Variants in ALDOB observed in about 807,000 individuals in gnomAD.
ALDOB encodes fructose-bisphosphate aldolase B.
A neutral mutation model predicts 41.0 loss-of-function variants in ALDOB; 39 were observed. The ratio of observed to expected loss-of-function variants is 0.95; its 90% CI spans 0.74 to 1.24. The LOEUF is 1.24. Among genes scored for constraint, ALDOB ranks in the 50% most tolerant of loss-of-function variants. The probability of loss-of-function intolerance (pLI) is 0.00; values close to 1 mark genes in which losing one functional copy is unlikely to be tolerated. For missense variants in ALDOB, 530 were observed against 457.3 expected, an observed-to-expected ratio of 1.16 and a Z score of -1.45; for synonymous variants, 175 against 168.8, an observed-to-expected ratio of 1.04 and a Z score of -0.28.
intron 1 of ALDOB, 144 bp downstream of exon 1, chr9:101,435,565 G>C (rs1831279248): frequency 1.3e-5 from 2 of 152,290 alleles, no homozygotes; most frequent in East Asian, 3.9e-4. Context: ...TTCCCTCCAA[G>C]CAGAGCCATC....
chr9:101,425,610 G>T lies in ALDOB; in HGVS notation c.642C>A (p.Tyr214Ter). The T allele has an allele frequency of 6.2e-7, 1 of 1,614,136 alleles. No individual in the cohort carries two copies. Among genetic ancestry groups the T allele is most frequent in the Non-Finnish European group, 8.5e-7 (1 of 1,180,036 alleles). ...AAACATGATGGTCATTCAGGGCCTT[G>T]TAGACAGCAGCCAGGACCTGAAGGA... ...YVTEKVLAAV[Y>*]KALNDHHVYL... The change falls in exon 7 of 9, where the codon TAC becomes TAA. Residue 214 changes from tyrosine to a stop codon, truncating the protein, a stop_gained. Transcript: ENST00000647789. LOFTEE classifies it high-confidence loss of function.
intron 3 of ALDOB, among the ~76,000 whole-genome samples, chr9:101,428,952 T>C (rs183527582): frequency 2.3e-4 from 35 of 152,316 alleles, no homozygotes; most frequent in African/African-American, 8.4e-4. Flanking sequence ...CCAGAGGTTA[T>C]GAGAATTAAA....
chr9:101,425,389 A>C (rs968428089), intron 7 of ALDOB, 64 bp downstream of exon 7: 6 of 1,580,276 alleles, frequency 3.8e-6, no homozygotes, highest in Non-Finnish European at 4.3e-6. Context: ...GACAAACAGA[A>C]AGCTTGTGGC....
chr9:101,425,589 A>G lies in ALDOB; in HGVS notation c.663T>C (p.His221=), dbSNP rs1338499743. The G allele has an allele frequency of 6.2e-7, 1 of 1,614,208 alleles. No individual in the cohort carries two copies. Among genetic ancestry groups the G allele is most frequent in the East Asian group, 2.2e-5 (1 of 44,880 alleles). The part of the protein sequence containing the change: ...AAVYKALNDH[H]VYLEGTLLKP... Reference sequence around the variant, plus strand: ...TTAGCAGGGTGCCCTCCAGGTAAACATGATGGTCATTCAGGGCCTTGTAGA... The same window carrying G: ...TTAGCAGGGTGCCCTCCAGGTAAACGTGATGGTCATTCAGGGCCTTGTAGA... The change falls in exon 7 of 9, where the codon CAT becomes CAC. Residue 221 remains histidine, a synonymous_variant. Transcript: ENST00000647789.
rs578048957 is a variant in ALDOB at position 101,427,533 on chromosome 9, A to T, written c.489T>A (p.Ala163=). 62 of 1,614,194 alleles carry T rather than the reference A, an allele frequency of 3.8e-5. No homozygotes were observed. In the South Asian group the frequency reaches 6.3e-4, roughly 16 times the overall value. ...RIADQCPSSL[A]IQENANALAR... ...CCAGGGCGTTGGCGTTTTCCTGGAT[A>T]GCGAGGCTGGATGGACACTGGTCGG... Residue 163 remains alanine (A), a synonymous_variant, in exon 5 of 9, where the codon GCT becomes GCA. Transcript: ENST00000647789.
chr9:101,433,388 G>T lies in ALDOB; in HGVS notation c.-11+2321C>A, dbSNP rs546097761. Among the ~76,000 whole-genome samples, 5 of 152,264 alleles carry T rather than the reference G, an allele frequency of 3.3e-5. No individual in the cohort carries two copies. The South Asian group carries it at 6.2e-4, about 19-fold the overall frequency. On this transcript the variant is annotated intron_variant, in intron 1 of 8. Transcript: ENST00000647789. Reference sequence around the variant, plus strand: ...GTTAAACTTCTACAGTGGGATTAAAGGTCTGTACCACGTTAGCACAAATGT... The same window carrying T: ...GTTAAACTTCTACAGTGGGATTAAATGTCTGTACCACGTTAGCACAAATGT...
chr9:101,431,407 G>T (rs1041116171), intron 1 of ALDOB, among the ~76,000 whole-genome samples: 6 of 152,218 alleles, frequency 3.9e-5, no homozygotes, highest in East Asian at 1.9e-4. Context: ...TAGTCTTAAA[G>T]CTAACTTCCA....
At chr9:101,435,259 A>G (rs754917460) in intron 1 of ALDOB, among the ~76,000 whole-genome samples, 53 of 152,202 alleles carry the variant, frequency 3.5e-4, no homozygotes, top group Non-Finnish European at 5.3e-4. Context: ...CGGTACCAGT[A>G]GGTGTGGGAA....
intron 1 of ALDOB, 108 bp from the exon 2 acceptor site, chr9:101,431,005 C>G: frequency 1.3e-6 from 1 of 766,840 alleles, no homozygotes; most frequent in Non-Finnish European, 2.3e-6. Context: ...TCTGTGACAC[C>G]TCTGACCCAT....
At chr9:101,424,375 T>C (rs889741301) in intron 8 of ALDOB, among the ~76,000 whole-genome samples, 9 of 152,152 alleles carry the variant, frequency 5.9e-5, no homozygotes, top group African/African-American at 2.2e-4. Context: ...GCCGAGATTG[T>C]GCCACTGTAC....
At position 101,429,867 on chromosome 9, in the gene ALDOB, T is replaced by C. The variant is rs1588172285; in HGVS notation, c.212A>G (p.Asn71Ser). 2 of 1,614,156 alleles carry C rather than the reference T, an allele frequency of 1.2e-6. No individual in the cohort carries two copies. The highest frequency in any genetic ancestry group is 8.5e-7 in the Non-Finnish European group (1 of 1,180,036). Residue 71 changes from asparagine (N) to serine (S), a missense_variant, in exon 3 of 9, where the codon AAC becomes AGC. Asn to Ser is a conservative substitution (Grantham distance 46). Coordinates refer to ENST00000647789, the MANE Select transcript of ALDOB (RefSeq NM_000035.4). ...AAGGATCACACCCCCGATGCTCTGG[T>C]TGATGGAACTGTCCACAGAGAAGAG... ...EILFSVDSSI[N>S]QSIGGVILFH...
At position 101,424,848 on chromosome 9, in the gene ALDOB, C is replaced by A; in HGVS notation, c.994G>T (p.Ala332Ser). The change falls in exon 8 of 9, where the codon GCC (alanine) becomes TCC (serine). Residue 332 changes from alanine (A) to serine (S), a missense_variant. By Grantham distance (99) the Ala-to-Ser change is moderately conservative (BLOSUM62 1). Coordinates refer to ENST00000647789, the MANE Select transcript of ALDOB (RefSeq NM_000035.4). ...EATQEAFMKR[A>S]MANCQAAKGQ... ...AAGAGGTGGCAGCATCTTACCATGG[C>A]CCGCTTCATAAAAGCCTCCTGGGTT... is the stretch of plus-strand genomic sequence containing the variant. 6.2e-7 allele frequency: 1 copy of A among 1,612,818 alleles called. No individual in the cohort carries two copies. Among genetic ancestry groups the A allele is most frequent in the Non-Finnish European group, 8.5e-7 (1 of 1,180,012 alleles).
chr9:101,434,885 G>A (rs1250215782), intron 1 of ALDOB, among the ~76,000 whole-genome samples: 3 of 152,222 alleles, frequency 2.0e-5, no homozygotes, highest in Non-Finnish European at 4.4e-5. Context: ...GGGTAGCAGA[G>A]TTCAAGCTCT....
rs1478199124 is a variant in ALDOB, at chr9:101,420,829, A to G, written c.*980T>C. ...TCTGGTTGTCTTAAGTGCTGTAACT[A>G]TAGGTTAATTCTGAAAATTGAAAGT... On this transcript the variant is annotated 3_prime_UTR_variant, in exon 9 of 9. Transcript: ENST00000647789. 4 of 152,302 alleles carry G rather than the reference A, an allele frequency of 2.6e-5. No individual in the cohort carries two copies. Among genetic ancestry groups the G allele is most frequent in the African/African-American group, 9.6e-5 (4 of 41,566 alleles). The allele number at this position is 152,302 out of a possible 1,614,324, so 9.4% of individuals were successfully genotyped here. A position where few individuals can be genotyped will look rare whatever the true frequency, so the allele number is the denominator to read the frequency against.
chr9:101,425,445 G>A lies in ALDOB; in HGVS notation c.799+8C>T. 6.2e-7 allele frequency: 1 copy of A among 1,614,068 alleles called. No individual in the cohort carries two copies. Reference sequence around the variant, plus strand: ...AGACCTTGAGTTAGAGAAGAAAGAAGGCCTTACCAGGAACAGCTGCAGGAA... The same window carrying A: ...AGACCTTGAGTTAGAGAAGAAAGAAAGCCTTACCAGGAACAGCTGCAGGAA... On this transcript the variant is annotated splice_region_variant and intron_variant, in intron 7 of 8. Coordinates refer to ENST00000647789, the MANE Select transcript of ALDOB (RefSeq NM_000035.4).
At chr9:101,432,425 G>T (rs1390415604) in intron 1 of ALDOB, among the ~76,000 whole-genome samples, 1 of 152,168 alleles carries the variant, frequency 6.6e-6, no homozygotes, top group East Asian at 1.9e-4. Context: ...CTGGCCTCCA[G>T]ATCATCATGC....
intron 3 of ALDOB, among the ~76,000 whole-genome samples, chr9:101,429,190 G>C (rs1237872503): frequency 6.8e-6 from 1 of 146,042 alleles, no homozygotes; most frequent in Non-Finnish European, 1.5e-5. Flanking sequence ...TTGAGACAGG[G>C]TCATCCAGGC....
rs115703955 is a variant in ALDOB at position 101,427,331 on chromosome 9, A to C, written c.540+151T>G. The stretch of plus-strand genomic sequence containing the variant: ...GTGGGACCAAATCTTTCCCTACCAC[A>C]GTTGGCTATAGCAAAAGTTGTGAAA... On this transcript the variant is annotated intron_variant, in intron 5 of 8. Transcript: ENST00000647789. The C allele has an allele frequency of 5.2e-4, 506 of 969,234 alleles. 2 individuals are homozygous for C. In the African/African-American group the frequency reaches 7.5e-3, roughly 14 times the overall value. 60.0% of individuals were successfully genotyped at this position (969,234 alleles called of 1,614,324 possible). A position where few individuals can be genotyped will look rare whatever the true frequency, so the allele number is the denominator to read the frequency against.
chr9:101,429,610 G>T, intron 3 of ALDOB, 145 bp downstream of exon 3: 1 of 850,956 alleles, frequency 1.2e-6, no homozygotes, highest in Non-Finnish European at 2.1e-6. Context: ...AGAGGATCTT[G>T]TTCTCTGTGG....
Sources: gnomAD v4.1 joint callset for allele counts (sites outside exome capture counted in the v4.1 genomes callset) on GRCh38, gnomAD v4.1.1 for gene constraint, MANE v1.5 for transcripts, NCBI Gene and HGNC (gene_info 2026-07-23, HGNC 2026-07-21) for gene names.